The following ANK1 variants were observed in gnomAD, a reference collection of about 807,000 sequenced individuals.
ANK1 encodes the protein ankyrin-1.
Under a neutral mutation model 210.4 loss-of-function variants are expected in ANK1, and 51 were observed. The ratio of observed to expected loss-of-function variants is 0.24; its 90% CI spans 0.19 to 0.31. The LOEUF is 0.31. Among genes scored for constraint, ANK1 ranks in the 10% least tolerant of loss-of-function variants. The pLI is 1.00. For missense variants in ANK1, 2,051 were observed against 2,504.4 expected (o/e 0.82, Z 3.86); for synonymous variants, 967 against 1,025.9 (o/e 0.94, Z 1.10).
At position 41,694,485 on chromosome 8, in the gene ANK1, CA is replaced by C. The variant is rs997274989; in HGVS notation, c.3327+106del. 14 of 1,174,570 alleles carry C rather than the reference CA, an allele frequency of 1.2e-5. No individual in the cohort carries two copies. In the African/African-American group the frequency reaches 1.7e-4, roughly 14 times the overall value. 72.8% of individuals were successfully genotyped at this position (1,174,570 alleles called of 1,614,324 possible). The stretch of plus-strand genomic sequence containing the variant: ...AACTCAGATCTCCACTGTGGCATTT[CA>C]AAGCACCAGACAAAAGTGTGGGGAT... On this transcript the variant is annotated intron_variant, in intron 28 of 42. Coordinates refer to ENST00000289734, the MANE Select transcript of ANK1 (RefSeq NM_000037.4). The surrounding 1 kb of genome is among the most constrained non-coding windows in gnomAD (Gnocchi z 5.7).
At chr8:41,761,384 CACACAT>C (rs1436837772) in intron 1 of ANK1, among the ~76,000 whole-genome samples, 1 of 151,714 alleles carries the variant, frequency 6.6e-6, no homozygotes, top group Non-Finnish European at 1.5e-5. Flanking sequence ...CACACACACA[CACACAT>C]GTTCACACAC....
chr8:41,862,160 T>C (rs1813384800), intron 1 of ANK1, among the ~76,000 whole-genome samples: 1 of 152,234 alleles, frequency 6.6e-6, no homozygotes, highest in Non-Finnish European at 1.5e-5. Context: ...TTATTTCTGC[T>C]TGAGGCATAA....
intron 1 of ANK1, among the ~76,000 whole-genome samples, chr8:41,802,953 G>T (rs897677254): frequency 8.5e-5 from 5 of 58,868 alleles, no homozygotes; most frequent in Admixed American, 6.2e-4. Context: ...GAGAAAGGGG[G>T]GGGGGGAGAG....
chr8:41,686,282 C>T lies in ANK1; in HGVS notation c.4260G>A (p.Glu1420=). ...ISEHLGLSWA[E]LARELQFSVE... ...CACTGAACTGCAGCTCCCGGGCCAA[C>T]TCTGCAAGCAAAGAACCAACAGCAG... The change falls in exon 36 of 43, where the codon GAG becomes GAA. Residue 1420 remains glutamate, a splice_region_variant and synonymous_variant. Transcript: ENST00000289734. 6.2e-7 allele frequency: 1 copy of T among 1,613,614 alleles called. No homozygotes were observed. Among genetic ancestry groups the T allele is most frequent in the Non-Finnish European group, 8.5e-7 (1 of 1,180,026 alleles).
Position 41,754,706 on chromosome 8 carries a change from G to A in ANK1, c.129+3330C>T, listed in dbSNP as rs548190916. 3.9e-5 allele frequency among the ~76,000 whole-genome samples: 6 copies of A among 152,306 alleles called. No individual in the cohort carries two copies. The South Asian group carries it at 6.2e-4, about 16-fold the overall frequency. On this transcript the variant is annotated intron_variant, in intron 2 of 42. Coordinates refer to ENST00000289734, the MANE Select transcript of ANK1 (RefSeq NM_000037.4). ...AAGAGGCTGGCCCTGTGCACATTACGCAGATGCAGGATCGTCCCGCTGGGT... is the reference window on the plus strand; with the variant it reads ...AAGAGGCTGGCCCTGTGCACATTACACAGATGCAGGATCGTCCCGCTGGGT...
At chr8:41,752,504 A>G (rs1201221796) in intron 2 of ANK1, among the ~76,000 whole-genome samples, 3 of 151,758 alleles carry the variant, frequency 2.0e-5, no homozygotes, top group South Asian at 2.1e-4. Context: ...CTTACTATAT[A>G]TTTCTGCTTG....
At chr8:41,692,952 G>A (rs776011959) in intron 30 of ANK1, 76 bp from the exon 31 acceptor site, 126 of 1,543,140 alleles carry the variant, frequency 8.2e-5, no homozygotes, top group Non-Finnish European at 1.0e-4. Context: ...GGAGCAGCCC[G>A]TGAGCCATAC....
chr8:41,690,479 C>T lies in ANK1; in HGVS notation c.3979G>A (p.Val1327Ile), dbSNP rs1481747230. The T allele has an allele frequency of 1.9e-6, 3 of 1,614,096 alleles. No individual in the cohort carries two copies. The highest frequency in any genetic ancestry group is 1.6e-4 in the Middle Eastern group (1 of 6,084). Residue 1327 changes from valine to isoleucine, a missense_variant, in exon 32 of 43, where the codon GTA becomes ATA. Physicochemically the swap from Val to Ile is conservative, Grantham distance 29. This residue lies in a region of ANK1 where 1,413 missense variants were observed against 1,707.4 expected (regional missense o/e 0.83). Coordinates refer to ENST00000289734, the MANE Select transcript of ANK1 (RefSeq NM_000037.4). ...CAGCCAGAGGGTGCCGGCACCTTTACAGGCATGGCCAGACGGTTCTCCCGA... is the reference window on the plus strand; with the variant it reads ...CAGCCAGAGGGTGCCGGCACCTTTATAGGCATGGCCAGACGGTTCTCCCGA... ...SFRENRLAMP[V>I]KVRDSSREPG...
intron 1 of ANK1, among the ~76,000 whole-genome samples, chr8:41,852,977 C>G (rs889713118): frequency 3.9e-5 from 6 of 152,156 alleles, no homozygotes; most frequent in Admixed American, 3.3e-4. Context: ...CCTTCTTTGT[C>G]CATATGTGGT....
rs1848974679 is a variant in ANK1, at chr8:41,797,474, C to T, written c.27+38G>A. 1.3e-6 allele frequency: 2 copies of T among 1,598,020 alleles called. No homozygotes were observed. The highest frequency in any genetic ancestry group is 4.5e-5 in the East Asian group (2 of 44,680). On this transcript the variant is annotated intron_variant, in intron 1 of 42. Coordinates refer to ENST00000289734, the MANE Select transcript of ANK1 (RefSeq NM_000037.4). The surrounding 1 kb of genome is among the most constrained non-coding windows in gnomAD (Gnocchi z 4.0). Reference sequence around the variant, plus strand: ...CGCGGCCTGGGTGGCCCCCTCCTGACATCTCCCCGTCCACCCGAGCAGCCG... The same window carrying T: ...CGCGGCCTGGGTGGCCCCCTCCTGATATCTCCCCGTCCACCCGAGCAGCCG...
At chr8:41,783,243 C>A (rs371870083) in intron 1 of ANK1, among the ~76,000 whole-genome samples, 1 of 152,328 alleles carries the variant, frequency 6.6e-6, no homozygotes, top group African/African-American at 2.4e-5. Flanking sequence ...GTCCTACTCC[C>A]GGTCCATGCA....
At chr8:41,838,010 C>T (rs1406017609) in intron 1 of ANK1, among the ~76,000 whole-genome samples, 2 of 152,222 alleles carry the variant, frequency 1.3e-5, no homozygotes, top group East Asian at 1.9e-4. Context: ...ATCACCTCCT[C>T]CACACACCCA....
rs1563811160 is a variant in ANK1, at chr8:41,803,085, G to GGGAAGGGAAGGA, written c.127-44949_127-44948insTCCTTCCCTTCC. 3.7e-3 allele frequency among the ~76,000 whole-genome samples: 222 copies of GGGAAGGGAAGGA among 60,028 alleles called. 4 individuals are homozygous for GGGAAGGGAAGGA. Among genetic ancestry groups the GGGAAGGGAAGGA allele is most frequent in the African/African-American group, 0.014 (176 of 12,664 alleles). 39.4% of individuals were successfully genotyped at this position (60,028 alleles called of 152,430 possible). A position where few individuals can be genotyped will look rare whatever the true frequency, so the allele number is the denominator to read the frequency against. On this transcript the variant is annotated intron_variant, in intron 1 of 42. Coordinates refer to the ANK1 transcript ENST00000265709. ...AAAGGAAGGAAGGAAGGAAGGAAGG[G>GGGAAGGGAAGGA]AAGGAAAGGAAAGGAAAGGAAAGGA...
At position 41,723,173 on chromosome 8, in the gene ANK1, G is replaced by T; in HGVS notation, c.861C>A (p.Ile287=). Residue 287 remains isoleucine, a synonymous_variant, in exon 9 of 43, where the codon ATC becomes ATA. Transcript: ENST00000289734. ...HCAARNGHVR[I]SEILLDHGAP... ...CCCCGTGGTCCAGCAGGATCTCTGA[G>T]ATTCGCACGTGCCCATTTCGAGCTG... 1 of 1,614,200 alleles carries T rather than the reference G, an allele frequency of 6.2e-7. No homozygotes were observed. The highest frequency in any genetic ancestry group is 1.3e-5 in the African/African-American group (1 of 75,042).
chr8:41,774,180 C>T (rs1843536108), intron 1 of ANK1, among the ~76,000 whole-genome samples: 1 of 152,276 alleles, frequency 6.6e-6, no homozygotes, highest in South Asian at 2.1e-4. Context: ...ATCCCCAAGC[C>T]TAGCACAGAA....
At chr8:41,724,718 G>A (rs972921735) in intron 6 of ANK1, among the ~76,000 whole-genome samples, 164 bp from the exon 7 acceptor site, 8 of 152,158 alleles carry the variant, frequency 5.3e-5, no homozygotes, top group Admixed American at 2.0e-4. Flanking sequence ...AGGCTTTATG[G>A]CACAGTGTAT....
At chr8:41,801,289 T>C (rs1184967926), upstream of ANK1, among the ~76,000 whole-genome samples, 5 of 152,248 alleles carry the variant, frequency 3.3e-5, no homozygotes, top group African/African-American at 9.6e-5. Context: ...CAATTTGAGC[T>C]GTTTTCAACT....
chr8:41,896,512 T>C, exon 1 of ANK1: 1 of 1,572,766 alleles, frequency 6.4e-7, no homozygotes, highest in Non-Finnish European at 8.6e-7. Flanking sequence ...CCCCGCCTCC[T>C]GGACCCCTAG....
intron 1 of ANK1, among the ~76,000 whole-genome samples, chr8:41,787,504 G>A (rs771054658): frequency 1.1e-4 from 17 of 152,130 alleles, no homozygotes; most frequent in Admixed American, 2.0e-4. Flanking sequence ...ACTGGAAAAC[G>A]TGTGGTATCA....
Sources: gnomAD v4.1 joint callset for allele counts (sites outside exome capture counted in the v4.1 genomes callset) on GRCh38, gnomAD v4.1.1 for gene constraint, gnomAD v4.1.1 regional missense constraint, Gnocchi (gnomAD v3.1) non-coding constraint, MANE v1.5 for transcripts, NCBI Gene and HGNC (gene_info 2026-07-23, HGNC 2026-07-21) for gene names.